Variants in AKAP13 observed in about 807,000 individuals in gnomAD.
AKAP13 encodes the protein A-kinase anchor protein 13.
Under a neutral mutation model 264.5 loss-of-function variants are expected in AKAP13, and 80 were observed. That is an observed-to-expected ratio of 0.30 (90% confidence interval 0.25 to 0.36). The LOEUF (loss-of-function observed/expected upper bound fraction) is 0.36. Ranked by LOEUF, AKAP13 falls within the 10% of genes least tolerant of loss-of-function variation. AKAP13 has a pLI of 1.00. For synonymous variants in AKAP13, 1,380 were observed against 1,250.2 expected, an observed-to-expected ratio of 1.10 and a Z score of -2.19; for missense variants, 3,712 against 3,435.2, an observed-to-expected ratio of 1.08 and a Z score of -2.01.
intron 1 of AKAP13, among the ~76,000 whole-genome samples, chr15:85,427,004 G>A (rs1212012116): frequency 7.2e-6 from 1 of 138,304 alleles, no homozygotes; most frequent in Non-Finnish European, 1.5e-5. Flanking sequence ...CACCGGGGCT[G>A]GAGTGCAGTG....
rs2089375664 is a variant in AKAP13, at chr15:85,746,596, C to T, written c.*1919C>T. The T allele has an allele frequency of 6.6e-6, 1 of 152,138 alleles. No individual in the cohort carries two copies. The highest frequency in any genetic ancestry group is 2.4e-5 in the African/African-American group (1 of 41,426). The allele number at this position is 152,138 out of a possible 1,614,324, so 9.4% of individuals were successfully genotyped here. A position where few individuals can be genotyped will look rare whatever the true frequency, so the allele number is the denominator to read the frequency against. On this transcript the variant is annotated 3_prime_UTR_variant, in exon 37 of 37. Transcript: ENST00000394518. The stretch of plus-strand genomic sequence containing the variant: ...AGAATACTCACCCTTCAGAAACAGA[C>T]CAAAGGCCAAAACCTGCTGATTTTT...
At chr15:85,480,580 C>G (rs1179946218) in intron 1 of AKAP13, among the ~76,000 whole-genome samples, 1 of 150,406 alleles carries the variant, frequency 6.6e-6, no homozygotes, top group Admixed American at 6.6e-5. Context: ...TATTGTATGG[C>G]ACCCTATTAC....
intron 1 of AKAP13, among the ~76,000 whole-genome samples, chr15:85,421,094 C>T (rs946497640): frequency 2.6e-5 from 4 of 152,148 alleles, no homozygotes; most frequent in Admixed American, 6.5e-5. Context: ...TGTTTCATGC[C>T]TAGTTTCTCA....
intron 2 of AKAP13, among the ~76,000 whole-genome samples, chr15:85,505,007 C>A (rs951988607): frequency 6.6e-6 from 1 of 152,070 alleles, no homozygotes; most frequent in Admixed American, 6.5e-5. Flanking sequence ...TGAAAGCCAG[C>A]ACCATCTGAA....
chr15:85,616,937 T>C (rs1025649910), intron 8 of AKAP13, among the ~76,000 whole-genome samples: 1 of 152,212 alleles, frequency 6.6e-6, no homozygotes, highest in Non-Finnish European at 1.5e-5. Flanking sequence ...ATGTAAGGAA[T>C]TGTCCTTTAA....
chr15:85,740,012 A>G (rs573619481), intron 33 of AKAP13, among the ~76,000 whole-genome samples: 1 of 152,180 alleles, frequency 6.6e-6, no homozygotes, highest in Non-Finnish European at 1.5e-5. Context: ...TGTTCCTCCT[A>G]TACATAGGTC....
intron 5 of AKAP13, among the ~76,000 whole-genome samples, chr15:85,551,489 T>C (rs368648681): frequency 5.3e-5 from 8 of 152,364 alleles, no homozygotes; most frequent in African/African-American, 1.4e-4. Flanking sequence ...CTCCAAGTCC[T>C]GTGAACTTTT....
At chr15:85,607,579 C>A (rs1325930952) in intron 8 of AKAP13, among the ~76,000 whole-genome samples, 1 of 152,144 alleles carries the variant, frequency 6.6e-6, no homozygotes, top group African/African-American at 2.4e-5. Context: ...ATGCTTTTAA[C>A]CACGATGCTA....
intron 6 of AKAP13, among the ~76,000 whole-genome samples, chr15:85,575,649 G>A (rs532762897): frequency 1.3e-5 from 2 of 151,578 alleles, no homozygotes; most frequent in African/African-American, 4.9e-5. Flanking sequence ...CCGAGATCAC[G>A]CCATTGCACT....
At chr15:85,714,713 A>G (rs1169580719) in intron 19 of AKAP13, among the ~76,000 whole-genome samples, 1 of 152,222 alleles carries the variant, frequency 6.6e-6, no homozygotes, top group Non-Finnish European at 1.5e-5. Context: ...TCACGCCTGT[A>G]ATCCCAGCAC....
chr15:85,487,802 G>GCT (rs1391798161), intron 2 of AKAP13, among the ~76,000 whole-genome samples: 10 of 150,328 alleles, frequency 6.7e-5, no homozygotes, highest in Non-Finnish European at 1.2e-4. Context: ...CATGATCATA[G>GCT]CTCACAGCAT....
At chr15:85,528,262 AG>A (rs1378490736) in intron 3 of AKAP13, among the ~76,000 whole-genome samples, 3 of 152,108 alleles carry the variant, frequency 2.0e-5, no homozygotes, top group Admixed American at 2.0e-4. Context: ...TGATTTTAAG[AG>A]GGTCATCAGT....
intron 8 of AKAP13, among the ~76,000 whole-genome samples, chr15:85,618,815 TC>T (rs2081049250): frequency 6.6e-6 from 1 of 152,186 alleles, no homozygotes; most frequent in Non-Finnish European, 1.5e-5. Context: ...TTTCTTTAAA[TC>T]AACTCCATCA....
chr15:85,529,616 G>A (rs148684981), intron 3 of AKAP13, among the ~76,000 whole-genome samples: 2 of 152,286 alleles, frequency 1.3e-5, no homozygotes, highest in African/African-American at 4.8e-5. Context: ...TACCCCCCAG[G>A]TGCTTTATCA....
intron 1 of AKAP13, among the ~76,000 whole-genome samples, chr15:85,402,642 C>T (rs894156310): frequency 1.3e-5 from 2 of 152,074 alleles, no homozygotes; most frequent in Admixed American, 6.5e-5. Context: ...CCTTGCTTAT[C>T]AAAACCTATT....
intron 8 of AKAP13, among the ~76,000 whole-genome samples, chr15:85,589,053 C>G (rs1056274840): frequency 6.6e-6 from 1 of 152,150 alleles, no homozygotes; most frequent in Non-Finnish European, 1.5e-5. Flanking sequence ...TCACAGCATT[C>G]TTATAATGAT....
chr15:85,640,245 C>G (rs936478256), intron 9 of AKAP13, among the ~76,000 whole-genome samples: 4 of 152,164 alleles, frequency 2.6e-5, no homozygotes, highest in African/African-American at 9.7e-5. Flanking sequence ...TGTGCCTGTT[C>G]TACGACTGCT....
At chr15:85,442,489 T>TGCTAGA (rs1567059584) in intron 1 of AKAP13, among the ~76,000 whole-genome samples, 2 of 109,738 alleles carry the variant, frequency 1.8e-5, no homozygotes, top group East Asian at 4.7e-4. Context: ...ATAATATATA[T>TGCTAGA]AATATATATT....
At position 85,581,311 on chromosome 15, in the gene AKAP13, T is replaced by A. The variant is rs1045495402; in HGVS notation, c.3243T>A (p.Cys1081Ter). The change falls in exon 7 of 37, where the codon TGT (cysteine) becomes TGA (stop). Residue 1081 changes from cysteine (C) to a stop codon, truncating the protein, a stop_gained. Coordinates refer to ENST00000394518, the MANE Select transcript of AKAP13 (RefSeq NM_007200.5). LOFTEE classifies it high-confidence loss of function. The stretch of plus-strand genomic sequence containing the variant: ...AATCCCAGGGAAAAACTAGTGCCTG[T>A]GAGGTGAGTGGAGATGTGACGGTGG... ...NTQSQGKTSA[C>*]EVSGDVTVDV... is the part of the protein sequence containing the mutation. 6.2e-7 allele frequency: 1 copy of A among 1,613,718 alleles called. No individual in the cohort carries two copies. The highest frequency in any genetic ancestry group is 1.3e-5 in the African/African-American group (1 of 74,904).
Sources: gnomAD v4.1 joint callset for allele counts (sites outside exome capture counted in the v4.1 genomes callset) on GRCh38, gnomAD v4.1.1 for gene constraint, MANE v1.5 for transcripts, NCBI Gene and HGNC (gene_info 2026-07-23, HGNC 2026-07-21) for gene names.